The following SOX13 variants were observed in gnomAD, a reference collection of about 807,000 sequenced individuals.
SOX13 encodes the protein SRY-box transcription factor 13, also known as transcription factor SOX-13.
A neutral mutation model predicts 71.8 loss-of-function variants in SOX13; 28 were observed. That is an observed-to-expected ratio of 0.39 (90% CI 0.29 to 0.53). SOX13 has a LOEUF of 0.53. Among genes scored for constraint, SOX13 ranks in the 20% least tolerant of loss-of-function variants. The pLI is 0.70. For missense variants in SOX13, 627 were observed against 810.3 expected (o/e 0.77, Z 2.75); for synonymous variants, 309 against 317.8 (o/e 0.97, Z 0.29).
At position 204,106,584 on chromosome 1, in the gene SOX13, AT is replaced by A. The variant is rs1383954289; in HGVS notation, c.-1-6330del. Among the ~76,000 whole-genome samples, 17 of 147,868 alleles carry A rather than the reference AT, an allele frequency of 1.1e-4. No individual in the cohort carries two copies. In the Admixed American group the frequency reaches 1.2e-3, roughly 10 times the overall value. Reference sequence around the variant, plus strand: ...GCCCAGGCTGGAGTGCAGAGGCGTGATCTCAACTGACTGCAACTTCCACTTC... The same window carrying A: ...GCCCAGGCTGGAGTGCAGAGGCGTGACTCAACTGACTGCAACTTCCACTTC... On this transcript the variant is annotated intron_variant, in intron 1 of 13. Coordinates refer to ENST00000367204, the MANE Select transcript of SOX13 (RefSeq NM_005686.3).
chr1:204,104,313 C>T (rs565965854), intron 1 of SOX13, among the ~76,000 whole-genome samples: 28 of 152,338 alleles, frequency 1.8e-4, no homozygotes, highest in African/African-American at 6.7e-4. Flanking sequence ...CTGATACCCC[C>T]CAGGGCTCAC....
chr1:204,120,675 A>G (rs1055772230), intron 7 of SOX13, among the ~76,000 whole-genome samples: 10 of 152,102 alleles, frequency 6.6e-5, no homozygotes, highest in Non-Finnish European at 1.5e-5. Context: ...ACTAGCGCAC[A>G]CCTCGGCTCC....
intron 1 of SOX13, among the ~76,000 whole-genome samples, chr1:204,089,540 A>G (rs1656097798): frequency 6.6e-6 from 1 of 152,118 alleles, no homozygotes; most frequent in African/African-American, 2.4e-5. Flanking sequence ...GTGTGAGGGG[A>G]CCCCGGAAGA....
At chr1:204,119,287 T>G (rs927471478) in intron 7 of SOX13, 2 of 152,218 alleles carry the variant, frequency 1.3e-5, no homozygotes, top group Non-Finnish European at 2.9e-5. Flanking sequence ...GTGTGGCTCA[T>G]AAACAACAGA....
At chr1:204,094,295 T>A (rs1481562140) in intron 1 of SOX13, among the ~76,000 whole-genome samples, 1 of 152,208 alleles carries the variant, frequency 6.6e-6, no homozygotes, top group East Asian at 1.9e-4. Flanking sequence ...AGCCCTCTGC[T>A]CTTTCCACCG....
chr1:204,116,076 C>A, intron 4 of SOX13: 2 of 946,640 alleles, frequency 2.1e-6, no homozygotes, highest in Non-Finnish European at 2.8e-6. Flanking sequence ...ACTTGCCTAA[C>A]AGCTCACAGA....
rs1241243172 is a variant in SOX13 at position 204,122,413 on chromosome 1, T to C, written c.1024+14T>C. ...GCCTGCCTCTGGGTAAGCCTCCTGC[T>C]GCCTGCACTTGTCCCTCAGCCCTCT... On this transcript the variant is annotated intron_variant, in intron 9 of 13. Coordinates refer to ENST00000367204, the MANE Select transcript of SOX13 (RefSeq NM_005686.3). 1 of 1,562,974 alleles carries C rather than the reference T, an allele frequency of 6.4e-7. No individual in the cohort carries two copies. Among genetic ancestry groups the C allele is most frequent in the Non-Finnish European group, 8.7e-7 (1 of 1,154,014 alleles).
chr1:204,085,599 T>C (rs1035528225), intron 1 of SOX13, among the ~76,000 whole-genome samples: 6 of 151,624 alleles, frequency 4.0e-5, no homozygotes, highest in Middle Eastern at 3.4e-3. Flanking sequence ...ATAAAGGACA[T>C]CTAGGCTGGG....
chr1:204,079,640 C>A (rs1026702728), intron 1 of SOX13, among the ~76,000 whole-genome samples: 2 of 152,284 alleles, frequency 1.3e-5, no homozygotes, highest in African/African-American at 4.8e-5. Context: ...AACCACCGAG[C>A]CTGGCCTCAC....
In SOX13 at chr1:204,117,683, A is replaced by G; in HGVS notation, c.751A>G (p.Ile251Val). ...VTPDSQLALP[I>V]QPIPCKPVEY... ...CCCTGACTCCCAGCTGGCCTTACCC[A>G]TTCAGCCCATTCCCTGCAAACCAGG... Residue 251 changes from isoleucine (I) to valine (V), a missense_variant, in exon 7 of 14, where the codon ATT becomes GTT. By Grantham distance (29) the Ile-to-Val change is conservative (BLOSUM62 3). Transcript: ENST00000367204. 6.2e-7 allele frequency: 1 copy of G among 1,613,058 alleles called. No homozygotes were observed. Among genetic ancestry groups the G allele is most frequent in the Non-Finnish European group, 8.5e-7 (1 of 1,179,390 alleles).
At chr1:204,080,712 C>T (rs542967441) in intron 1 of SOX13, among the ~76,000 whole-genome samples, 1 of 152,142 alleles carries the variant, frequency 6.6e-6, no homozygotes, top group Non-Finnish European at 1.5e-5. Context: ...CTGGTGTTTC[C>T]CTGATGCAGA....
At chr1:204,115,478 T>G (rs199862463) in intron 4 of SOX13, among the ~76,000 whole-genome samples, 59 of 110,474 alleles carry the variant, frequency 5.3e-4, no homozygotes, top group African/African-American at 1.4e-3. Flanking sequence ...CGATGTTGTT[T>G]TTTTTTTTTT....
chr1:204,091,735 T>TGTGC (rs1417247913), intron 1 of SOX13, among the ~76,000 whole-genome samples: 5 of 38,554 alleles, frequency 1.3e-4, no homozygotes, highest in African/African-American at 3.0e-4. Flanking sequence ...TGCGTGTGCG[T>TGTGC]GTGTGTGTGT....
intron 1 of SOX13, among the ~76,000 whole-genome samples, chr1:204,102,956 C>T (rs1392656110): frequency 6.6e-6 from 1 of 152,136 alleles, no homozygotes; most frequent in Non-Finnish European, 1.5e-5. Context: ...ACCCACCCAC[C>T]TGCCTCCGGA....
chr1:204,116,756 G>C, intron 5 of SOX13, 77 bp downstream of exon 5: 1 of 1,579,042 alleles, frequency 6.3e-7, no homozygotes, highest in Non-Finnish European at 8.6e-7. Flanking sequence ...CTGCCTTAGG[G>C]ACAGGCCTCA....
chr1:204,127,005 G>A lies in SOX13; in HGVS notation c.*871G>A. ...TATGTAGGCCCCTGGTCTGCCCTGG[G>A]CTCATCAGCCTTCCTGACCTCCTCC... On this transcript the variant is annotated 3_prime_UTR_variant, in exon 14 of 14. Transcript: ENST00000367204. The A allele has an allele frequency of 6.5e-6, 1 of 153,638 alleles. No homozygotes were observed. The highest frequency in any genetic ancestry group is 1.5e-5 in the Non-Finnish European group (1 of 68,732). The allele number at this position is 153,638 out of a possible 1,614,324, so 9.5% of individuals were successfully genotyped here. A position where few individuals can be genotyped will look rare whatever the true frequency, so the allele number is the denominator to read the frequency against.
At position 204,122,302 on chromosome 1, in the gene SOX13, C is replaced by A; in HGVS notation, c.927C>A (p.Ser309Arg). Reference protein sequence around the residue: ...PKAPELPNTSSSPSLKMSSCV... With the variant: ...PKAPELPNTSRSPSLKMSSCV... ...CCCCCGAGCTGCCCAACACCTCCAG[C>A]TCCCCAAGCCTGAAGATGAGCAGCT... is the stretch of plus-strand genomic sequence containing the variant. The change falls in exon 9 of 14, where the codon AGC becomes AGA. Residue 309 changes from serine (S) to arginine (R), a missense_variant. Coordinates refer to ENST00000367204, the MANE Select transcript of SOX13 (RefSeq NM_005686.3). 2 of 1,583,058 alleles carry A rather than the reference C, an allele frequency of 1.3e-6. No homozygotes were observed. The highest frequency in any genetic ancestry group is 1.7e-6 in the Non-Finnish European group (2 of 1,164,902).
rs1656885570 is a variant in SOX13 at position 204,124,790 on chromosome 1, C to T, written c.1525C>T (p.Arg509Cys). The change falls in exon 13 of 14, where the codon CGC (arginine) becomes TGC (cysteine). Residue 509 changes from arginine to cysteine, a missense_variant. Coordinates refer to ENST00000367204, the MANE Select transcript of SOX13 (RefSeq NM_005686.3). ...CTGCATCGTGGAGGGCAAGCGGCTG[C>T]GCGTGGGAGAGTACAAGGCCCTGAT... ...RTCIVEGKRLRVGEYKALMRT... is the reference protein window; with the variant it reads ...RTCIVEGKRLCVGEYKALMRT... The T allele has an allele frequency of 1.3e-6, 2 of 1,596,518 alleles. No homozygotes were observed. The highest frequency in any genetic ancestry group is 1.7e-6 in the Non-Finnish European group (2 of 1,172,186).
At chr1:204,093,094 C>A (rs1036026465) in intron 1 of SOX13, among the ~76,000 whole-genome samples, 1 of 152,136 alleles carries the variant, frequency 6.6e-6, no homozygotes, top group Non-Finnish European at 1.5e-5. Context: ...GCTGCTGTCC[C>A]AAGTGTATCA....
Sources: allele counts gnomAD v4.1 joint callset (sites outside exome capture counted in the v4.1 genomes callset), GRCh38; gene constraint gnomAD v4.1.1; transcripts MANE v1.5; gene names NCBI Gene and HGNC (gene_info 2026-07-23, HGNC 2026-07-21).